DIS3L2: variants seen among roughly 807,000 people sequenced by gnomAD.
DIS3L2 encodes DIS3 like 3'-5' exoribonuclease 2.
A neutral mutation model predicts 97.5 loss-of-function variants in DIS3L2; 34 were observed. The ratio of observed to expected loss-of-function variants is 0.35; its 90% CI spans 0.27 to 0.46. DIS3L2 has a LOEUF of 0.46. Ranked by LOEUF, DIS3L2 falls within the 20% of genes least tolerant of loss-of-function variation. The pLI, the probability that DIS3L2 is intolerant of heterozygous loss-of-function variation, is 1.00. For missense variants in DIS3L2, 1,038 were observed against 1,146.0 expected (o/e 0.91, Z 1.36); for synonymous variants, 435 against 445.2 (o/e 0.98, Z 0.29).
intron 5 of DIS3L2, among the ~76,000 whole-genome samples, chr2:232,064,735 A>G (rs1464527470): frequency 6.6e-6 from 1 of 152,164 alleles, no homozygotes; most frequent in Non-Finnish European, 1.5e-5. Context: ...GTGGATGTAT[A>G]GTGTTATCTC....
At chr2:232,254,624 G>T (rs1041207113) in intron 12 of DIS3L2, among the ~76,000 whole-genome samples, 4 of 152,162 alleles carry the variant, frequency 2.6e-5, no homozygotes, top group Non-Finnish European at 5.9e-5. Context: ...TCTGAATTTT[G>T]CCTGCCAAAG....
intron 5 of DIS3L2, among the ~76,000 whole-genome samples, chr2:232,044,474 C>G (rs1392621828): frequency 1.3e-5 from 2 of 151,974 alleles, no homozygotes; most frequent in African/African-American, 4.8e-5. Flanking sequence ...GATGGTGGCA[C>G]CCTTTGCCAA....
intron 6 of DIS3L2, among the ~76,000 whole-genome samples, chr2:232,096,598 T>A (rs146537853): frequency 0.01 from 1,536 of 152,238 alleles, 21 homozygotes; most frequent in African/African-American, 0.035. Flanking sequence ...TGTAGGCATG[T>A]GTCATTCTTT....
At chr2:232,201,655 T>C (rs956243049) in intron 9 of DIS3L2, among the ~76,000 whole-genome samples, 3 of 152,190 alleles carry the variant, frequency 2.0e-5, no homozygotes, top group Non-Finnish European at 4.4e-5. Flanking sequence ...TTGGGTGATA[T>C]GAAAGTATTA....
rs116227523 is a variant in DIS3L2, at chr2:232,133,283, C to T, written c.702+2564C>T. 3.1e-3 allele frequency among the ~76,000 whole-genome samples: 475 copies of T among 152,260 alleles called. 2 individuals are homozygous for T. The highest frequency in any genetic ancestry group is 0.011 in the African/African-American group (458 of 41,552). The stretch of plus-strand genomic sequence containing the variant: ...CATAGGCAGTACCAGTAGAGACCAG[C>T]GGGAGCCCCAGTGATACCATATAAA... On this transcript the variant is annotated intron_variant, in intron 7 of 20. Coordinates refer to ENST00000325385, the MANE Select transcript of DIS3L2 (RefSeq NM_152383.5).
chr2:232,088,803 A>C (rs188864162), intron 6 of DIS3L2, among the ~76,000 whole-genome samples: 2 of 152,352 alleles, frequency 1.3e-5, no homozygotes, highest in African/African-American at 4.8e-5. Context: ...GAAAATATTA[A>C]GTACAATTTG....
Position 232,057,211 on chromosome 2 carries a change from C to T in DIS3L2, c.366+27131C>T, listed in dbSNP as rs1231233094. On this transcript the variant is annotated intron_variant, in intron 5 of 20. Coordinates refer to ENST00000325385, the MANE Select transcript of DIS3L2 (RefSeq NM_152383.5). ...AGGATATTATTTGTCTTTGAAGGGG[C>T]AATAATTGAAAGGGGCAAGAGAAGA... 3.3e-5 allele frequency among the ~76,000 whole-genome samples: 5 copies of T among 151,958 alleles called. No homozygotes were observed. In the East Asian group the frequency reaches 9.6e-4, roughly 29 times the overall value.
intron 5 of DIS3L2, among the ~76,000 whole-genome samples, chr2:232,059,979 T>C (rs903778635): frequency 6.6e-6 from 1 of 152,220 alleles, no homozygotes. Context: ...TAGAACAATT[T>C]ATTTTCTTTT....
chr2:232,009,514 G>T (rs1226620834), intron 1 of DIS3L2, among the ~76,000 whole-genome samples: 1 of 152,128 alleles, frequency 6.6e-6, no homozygotes, highest in African/African-American at 2.4e-5. Flanking sequence ...TCCTGGGTCA[G>T]CGTATCTTAG....
At chr2:232,053,281 T>C (rs1315778217) in intron 5 of DIS3L2, among the ~76,000 whole-genome samples, 1 of 152,254 alleles carries the variant, frequency 6.6e-6, no homozygotes, top group African/African-American at 2.4e-5. Context: ...GGTGTCAGTT[T>C]TATTATTATG....
At chr2:232,099,778 C>CT (rs1393399404) in intron 6 of DIS3L2, among the ~76,000 whole-genome samples, 1 of 152,162 alleles carries the variant, frequency 6.6e-6, no homozygotes, top group Non-Finnish European at 1.5e-5. Context: ...TTCAGATTCT[C>CT]TATCAGTTCT....
intron 14 of DIS3L2, among the ~76,000 whole-genome samples, chr2:232,323,140 A>G (rs535611756): frequency 9.8e-5 from 15 of 152,330 alleles, no homozygotes; most frequent in Non-Finnish European, 1.9e-4. Flanking sequence ...TGTCAACACC[A>G]TAAAGCAGCC....
intron 5 of DIS3L2, among the ~76,000 whole-genome samples, chr2:232,038,462 CAGT>C (rs1484237130): frequency 6.6e-6 from 1 of 152,162 alleles, no homozygotes; most frequent in Non-Finnish European, 1.5e-5. Flanking sequence ...GGAAAGCATA[CAGT>C]AGAGCACCAG....
intron 1 of DIS3L2, among the ~76,000 whole-genome samples, chr2:232,013,668 G>A (rs1354352213): frequency 1.3e-5 from 2 of 152,162 alleles, no homozygotes; most frequent in African/African-American, 4.8e-5. Context: ...TCTGTCTAGT[G>A]TAGTGCCCTG....
intron 5 of DIS3L2, among the ~76,000 whole-genome samples, chr2:232,051,989 T>C (rs1424162586): frequency 6.6e-6 from 1 of 151,950 alleles, no homozygotes; most frequent in Non-Finnish European, 1.5e-5. Flanking sequence ...TCTTCATTAA[T>C]GTTTATAGTT....
chr2:232,329,786 C>CCCGGGGGGGCG, intron 14 of DIS3L2, 27 bp from the exon 15 acceptor site: 9 of 430,234 alleles, frequency 2.1e-5, no homozygotes, highest in East Asian at 6.0e-5. Context: ...CCCCAGCGGT[C>CCCGGGGGGGCG]CCTCCCATCC....
At chr2:231,990,310 T>G (rs1693549107) in intron 1 of DIS3L2, among the ~76,000 whole-genome samples, 1 of 152,168 alleles carries the variant, frequency 6.6e-6, no homozygotes, top group Admixed American at 6.5e-5. Flanking sequence ...CTAAAGTACT[T>G]GTGTTTGACT....
chr2:232,061,198 A>G (rs956119838), intron 5 of DIS3L2, among the ~76,000 whole-genome samples: 6 of 152,170 alleles, frequency 3.9e-5, no homozygotes, highest in Admixed American at 6.5e-5. Flanking sequence ...TTAAGAACAG[A>G]TTTTAGCAGC....
intron 14 of DIS3L2, among the ~76,000 whole-genome samples, chr2:232,305,303 C>T (rs983796768): frequency 1.2e-4 from 18 of 152,094 alleles, no homozygotes; most frequent in African/African-American, 4.1e-4. Context: ...GTCTCAAACT[C>T]CTAACCTCAG....
Sources: gnomAD v4.1 joint callset for allele counts (sites outside exome capture counted in the v4.1 genomes callset) on GRCh38, gnomAD v4.1.1 for gene constraint, MANE v1.5 for transcripts, NCBI Gene and HGNC (gene_info 2026-07-23, HGNC 2026-07-21) for gene names.